Variants in PRKCQ observed in about 807,000 individuals in gnomAD.
PRKCQ encodes the protein protein kinase C theta type.
In PRKCQ, 41 loss-of-function variants were observed where a neutral mutation model predicts 91.2. The ratio of observed to expected loss-of-function variants is 0.45; its 90% CI spans 0.35 to 0.58. The LOEUF is 0.58. Ranked by LOEUF, PRKCQ falls within the 20% of genes least tolerant of loss-of-function variation. The pLI, the probability that PRKCQ is intolerant of heterozygous loss-of-function variation, is 0.00. For synonymous variants in PRKCQ, 307 were observed against 316.9 expected (o/e 0.97, Z 0.33); for missense variants, 673 against 896.5 (o/e 0.75, Z 3.18).
intron 1 of PRKCQ, among the ~76,000 whole-genome samples, chr10:6,565,539 T>C (rs1732357628): frequency 6.6e-6 from 1 of 152,250 alleles, no homozygotes; most frequent in African/African-American, 2.4e-5. Flanking sequence ...TGCTTAGCAA[T>C]GTTCGCCTTT....
chr10:6,462,252 G>A, intron 14 of PRKCQ, 51 bp downstream of exon 14: 1 of 1,529,942 alleles, frequency 6.5e-7, no homozygotes, highest in South Asian at 1.1e-5. Flanking sequence ...TAAATTAACT[G>A]AGCCAGGAAA....
chr10:6,481,082 G>A (rs1836572777), intron 11 of PRKCQ, among the ~76,000 whole-genome samples: 1 of 152,166 alleles, frequency 6.6e-6, no homozygotes, highest in Non-Finnish European at 1.5e-5. Context: ...GTCTTGCTTT[G>A]ATATCTCCCC....
intron 1 of PRKCQ, among the ~76,000 whole-genome samples, chr10:6,519,153 T>C (rs1394786842): frequency 6.6e-6 from 1 of 152,240 alleles, no homozygotes; most frequent in African/African-American, 2.4e-5. Context: ...GGTTGCCTTT[T>C]GGTGTTCGGA....
At position 6,538,683 on chromosome 10, in the gene PRKCQ, T is replaced by G. The variant is rs75963158; in HGVS notation, c.-9-23539A>C. 4.5e-3 allele frequency among the ~76,000 whole-genome samples: 686 copies of G among 152,374 alleles called. 10 individuals carry two copies. The East Asian group carries it at 0.048, about 11-fold the overall frequency. Reference sequence around the variant, plus strand: ...CCTAGTGCCAGCTGGTCATGGACTCTGGAAAGTCGGAGTTGGAATAAGACT... The same window carrying G: ...CCTAGTGCCAGCTGGTCATGGACTCGGGAAAGTCGGAGTTGGAATAAGACT... On this transcript the variant is annotated intron_variant, in intron 1 of 17. Transcript: ENST00000263125.
the PRKCQ span, among the ~76,000 whole-genome samples, chr10:6,407,470 A>AGT: frequency 0.037 from 5,578 of 148,928 alleles, 132 homozygotes; most frequent in African/African-American, 0.054. The surrounding 1 kb of genome is among the most constrained non-coding windows in gnomAD (Gnocchi z 4.0). Flanking sequence ...GTACATGTTC[A>AGT]GTGTGTGTGT....
chr10:6,434,043 A>G (rs1186319344), intron 16 of PRKCQ, among the ~76,000 whole-genome samples: 2 of 151,040 alleles, frequency 1.3e-5, no homozygotes, highest in Non-Finnish European at 2.9e-5. Flanking sequence ...AAAAAAAAAA[A>G]AAAAAAGGAA....
chr10:6,460,390 T>C lies in PRKCQ; in HGVS notation c.1508+1913A>G, dbSNP rs538009919. Among the ~76,000 whole-genome samples, 6 of 152,196 alleles carry C rather than the reference T, an allele frequency of 3.9e-5. No individual in the cohort carries two copies. In the South Asian group the frequency reaches 1.2e-3, roughly 32 times the overall value. On this transcript the variant is annotated intron_variant, in intron 14 of 17. Transcript: ENST00000263125. ...CAGGGAAATAAAATGCCCCGAGGCA[T>C]GTGGGTTTAGGTTTCACGGGGTCCC...
At chr10:6,530,086 A>ACTG (rs1839337682) in intron 1 of PRKCQ, among the ~76,000 whole-genome samples, 1 of 152,204 alleles carries the variant, frequency 6.6e-6, no homozygotes, top group African/African-American at 2.4e-5. Context: ...ATTGCAAAGC[A>ACTG]CTGCACTGGA....
intron 12 of PRKCQ, among the ~76,000 whole-genome samples, chr10:6,467,393 G>GAC (rs1835736950): frequency 8.2e-5 from 3 of 36,602 alleles, no homozygotes; most frequent in African/African-American, 8.1e-5. Context: ...GACAGACAGA[G>GAC]AGAGAGAGAG....
chr10:6,534,066 T>C (rs1223496058), intron 1 of PRKCQ, among the ~76,000 whole-genome samples: 5 of 147,886 alleles, frequency 3.4e-5, no homozygotes, highest in Non-Finnish European at 7.4e-5. Flanking sequence ...GAGACATAAT[T>C]GCAAAATATG....
At chr10:6,545,640 A>G (rs568775615) in intron 1 of PRKCQ, among the ~76,000 whole-genome samples, 1 of 152,296 alleles carries the variant, frequency 6.6e-6, no homozygotes, top group Non-Finnish European at 1.5e-5. Flanking sequence ...GTTTGGGATG[A>G]TGAAAAGGTT....
At chr10:6,573,865 TCA>T (rs900266843) in intron 1 of PRKCQ, among the ~76,000 whole-genome samples, 1 of 152,202 alleles carries the variant, frequency 6.6e-6, no homozygotes, top group Non-Finnish European at 1.5e-5. Flanking sequence ...GTCTTTAATC[TCA>T]GCACTCTGGG....
chr10:6,448,552 G>A (rs909268027), intron 15 of PRKCQ, among the ~76,000 whole-genome samples: 1 of 152,070 alleles, frequency 6.6e-6, no homozygotes, highest in Non-Finnish European at 1.5e-5. Context: ...GGGATTACAG[G>A]TACGTGCCAC....
At chr10:6,455,975 C>T (rs1273450828) in intron 15 of PRKCQ, among the ~76,000 whole-genome samples, 2 of 152,158 alleles carry the variant, frequency 1.3e-5, no homozygotes, top group African/African-American at 4.8e-5. Context: ...AGAACAAGTG[C>T]TGTGCCATGG....
intron 1 of PRKCQ, among the ~76,000 whole-genome samples, chr10:6,572,460 C>T (rs1841081505): frequency 6.6e-6 from 1 of 152,168 alleles, no homozygotes; most frequent in South Asian, 2.1e-4. Flanking sequence ...ATTCAGCTCC[C>T]ACTTATAAGT....
Position 6,515,148 on chromosome 10 carries a change from G to T in PRKCQ, c.-9-4C>A, listed in dbSNP as rs750075068. On this transcript the variant is annotated splice_region_variant and splice_polypyrimidine_tract_variant and intron_variant, in intron 1 of 17. Transcript: ENST00000263125. ...GAAATGGCGACATGGTTGCGCCCTG[G>T]AAAAAGACAAAAGACAAACGCTGTT... The T allele has an allele frequency of 8.7e-6, 14 of 1,611,400 alleles. No homozygotes were observed. In the East Asian group the frequency reaches 3.1e-4, roughly 36 times the overall value.
chr10:6,528,822 T>G (rs2130895156), intron 1 of PRKCQ, among the ~76,000 whole-genome samples: 1 of 152,328 alleles, frequency 6.6e-6, no homozygotes, highest in African/African-American at 2.4e-5. Context: ...TTCTGTCTGC[T>G]CCCACCTGTC....
the PRKCQ span, among the ~76,000 whole-genome samples, chr10:6,419,059 G>A: frequency 7.3e-5 from 11 of 150,566 alleles, no homozygotes; most frequent in African/African-American, 2.7e-4. Context: ...CTCTATCTAT[G>A]TATCATCTAT....
intron 15 of PRKCQ, among the ~76,000 whole-genome samples, chr10:6,444,642 C>T (rs1210500663): frequency 1.3e-5 from 2 of 152,048 alleles, no homozygotes; most frequent in African/African-American, 4.8e-5. Flanking sequence ...TGGGGATGAA[C>T]ATCTGTTCTA....
Sources: gnomAD v4.1 joint callset for allele counts (sites outside exome capture counted in the v4.1 genomes callset) on GRCh38, gnomAD v4.1.1 for gene constraint, Gnocchi (gnomAD v3.1) non-coding constraint, MANE v1.5 for transcripts, NCBI Gene and HGNC (gene_info 2026-07-23, HGNC 2026-07-21) for gene names.